The following ANP32B variants were observed in gnomAD, a reference collection of about 807,000 sequenced individuals.
ANP32B encodes the protein acidic nuclear phosphoprotein 32 family member B.
In ANP32B, 6 loss-of-function variants were observed where a neutral mutation model predicts 32.2. That is an observed-to-expected ratio of 0.19 (90% CI 0.10 to 0.37). ANP32B has a LOEUF of 0.37. ANP32B is among the 10% of genes least tolerant of loss of function. The pLI is 1.00. For synonymous variants in ANP32B, 98 were observed against 105.8 expected, an observed-to-expected ratio of 0.93 and a Z score of 0.45; for missense variants, 204 against 289.2, an observed-to-expected ratio of 0.71 and a Z score of 2.14.
At chr9:98,013,416 T>TA (rs1194919243) in intron 6 of ANP32B, among the ~76,000 whole-genome samples, 2 of 152,118 alleles carry the variant, frequency 1.3e-5, no homozygotes, top group African/African-American at 4.8e-5. Flanking sequence ...TTTCATTTTT[T>TA]AAAAAAAGGC....
intron 1 of ANP32B, among the ~76,000 whole-genome samples, chr9:97,994,154 G>A (rs200844017): frequency 1.3e-5 from 2 of 152,152 alleles, no homozygotes; most frequent in Admixed American, 1.3e-4. Flanking sequence ...TGGAAAGTGC[G>A]TTGGTGCAGA....
At chr9:97,986,017 C>T (rs984531839) in intron 1 of ANP32B, among the ~76,000 whole-genome samples, 172 of 152,198 alleles carry the variant, frequency 1.1e-3, no homozygotes, top group Non-Finnish European at 2.0e-3. Flanking sequence ...GGCGGGGTTT[C>T]TCCCTGTTGT....
chr9:98,005,378 G>A (rs1828062826), intron 4 of ANP32B: 3 of 319,442 alleles, frequency 9.4e-6, no homozygotes, highest in Admixed American at 4.7e-5. Flanking sequence ...AGCCAGGTGT[G>A]GTGGCGCACA....
intron 5 of ANP32B, 96 bp downstream of exon 5, chr9:98,011,485 T>C: frequency 6.8e-7 from 1 of 1,481,288 alleles, no homozygotes; most frequent in Non-Finnish European, 9.0e-7. Context: ...AAACACCTTT[T>C]GAAGAAATTA....
intron 6 of ANP32B, among the ~76,000 whole-genome samples, chr9:98,014,638 T>C (rs554198639): frequency 1.3e-5 from 2 of 152,350 alleles, no homozygotes; most frequent in East Asian, 3.9e-4. Flanking sequence ...AATAACCTTT[T>C]AAAGTCAGTA....
chr9:97,985,073 CCCCGCCGCGG>C (rs1827691556), intron 1 of ANP32B, among the ~76,000 whole-genome samples: 1 of 150,384 alleles, frequency 6.6e-6, no homozygotes, highest in Non-Finnish European at 1.5e-5. Context: ...CGAGCCCCCC[CCCCGCCGCGG>C]ACCGGCGCGG....
chr9:98,003,620 A>C (rs1828030496), intron 3 of ANP32B, among the ~76,000 whole-genome samples: 1 of 152,210 alleles, frequency 6.6e-6, no homozygotes. Context: ...AACTACATAG[A>C]TACCTTGAGT....
At chr9:97,983,789 T>C (rs925404420) in intron 1 of ANP32B, among the ~76,000 whole-genome samples, 180 bp downstream of exon 1, 3 of 150,718 alleles carry the variant, frequency 2.0e-5, no homozygotes, top group Non-Finnish European at 3.0e-5. Context: ...GATTAACTCT[T>C]TGCCGCCCGC....
intron 1 of ANP32B, 60 bp downstream of exon 1, chr9:97,983,669 C>T: frequency 2.2e-6 from 3 of 1,369,262 alleles, no homozygotes; most frequent in Admixed American, 2.2e-5. Flanking sequence ...ATGGTGGCCA[C>T]CTGCGGGGCC....
chr9:98,001,998 T>A (rs1828000557), intron 3 of ANP32B, among the ~76,000 whole-genome samples: 1 of 152,108 alleles, frequency 6.6e-6, no homozygotes, highest in South Asian at 2.1e-4. Flanking sequence ...CCAGAGCTAT[T>A]TCGAAAAGCC....
chr9:97,992,002 G>C (rs1041503314), intron 1 of ANP32B, among the ~76,000 whole-genome samples: 7 of 152,068 alleles, frequency 4.6e-5, no homozygotes, highest in Admixed American at 1.3e-4. Context: ...TCCTCATTCC[G>C]CAGTTATGTA....
chr9:98,005,330 A>G lies in ANP32B; in HGVS notation c.517+177A>G, dbSNP rs1828061870. 1.1e-5 allele frequency: 5 copies of G among 475,024 alleles called. No homozygotes were observed. In the Admixed American group the frequency reaches 1.9e-4, roughly 18 times the overall value. The allele number at this position is 475,024 out of a possible 1,614,324, so 29.4% of individuals were successfully genotyped here. On this transcript the variant is annotated intron_variant, in intron 4 of 6. Transcript: ENST00000339399. ...TGAGACTAGCCTGGGCAACATGGCA[A>G]TACCTTGTTTCTACAGAAAATAGAA...
chr9:97,997,355 T>A (rs1306791337), intron 2 of ANP32B, among the ~76,000 whole-genome samples: 1 of 152,218 alleles, frequency 6.6e-6, no homozygotes, highest in Non-Finnish European at 1.5e-5. Context: ...TTTTAACTGT[T>A]TTTCAGCAGA....
chr9:97,989,314 T>A (rs887135578), intron 1 of ANP32B, among the ~76,000 whole-genome samples: 1 of 152,216 alleles, frequency 6.6e-6, no homozygotes, highest in Non-Finnish European at 1.5e-5. Context: ...AGTAGGAAAC[T>A]ACTGTTTGCT....
At position 98,015,779 on chromosome 9, in the gene ANP32B, CA is replaced by C. The variant is rs1828270523; in HGVS notation, c.*354del. 6 of 992,830 alleles carry C rather than the reference CA, an allele frequency of 6.0e-6. No homozygotes were observed. In the South Asian group the frequency reaches 1.4e-4, roughly 23 times the overall value. The allele number at this position is 992,830 out of a possible 1,614,324, so 61.5% of individuals were successfully genotyped here. Reference sequence around the variant, plus strand: ...AACAGCATTTTTACTTTCTGTACAACAAAAAAGCTTTGTAAATAAAATCTTA... The same window carrying C: ...AACAGCATTTTTACTTTCTGTACAACAAAAAGCTTTGTAAATAAAATCTTA... On this transcript the variant is annotated 3_prime_UTR_variant, in exon 7 of 7. Transcript: ENST00000339399.
intron 1 of ANP32B, among the ~76,000 whole-genome samples, chr9:97,989,342 A>C (rs1827787501): frequency 6.6e-6 from 1 of 152,230 alleles, no homozygotes. Flanking sequence ...GTAGAAAACA[A>C]ATATGAGTTA....
intron 5 of ANP32B, among the ~76,000 whole-genome samples, 198 bp downstream of exon 5, chr9:98,011,587 C>T (rs1376508498): frequency 6.6e-6 from 1 of 152,212 alleles, no homozygotes; most frequent in Non-Finnish European, 1.5e-5. Flanking sequence ...CTACTGAACT[C>T]AAACTAGTAC....
At chr9:98,009,554 C>T (rs1037214301) in intron 4 of ANP32B, among the ~76,000 whole-genome samples, 3 of 152,236 alleles carry the variant, frequency 2.0e-5, no homozygotes, top group African/African-American at 7.2e-5. Context: ...GTCCAGATCC[C>T]TCACATGCGC....
chr9:97,983,375 G>C lies in ANP32B; in HGVS notation c.-181G>C. ...CCATGGTTTCTCTCCGCTCCCGTGA[G>C]TAACTTGGCTCCGGGGGCTCCGCTC... On this transcript the variant is annotated 5_prime_UTR_variant, in exon 1 of 7. Coordinates refer to ENST00000339399, the MANE Select transcript of ANP32B (RefSeq NM_006401.3). 1.8e-6 allele frequency: 1 copy of C among 561,846 alleles called. No individual in the cohort carries two copies. The highest frequency in any genetic ancestry group is 2.2e-5 in the South Asian group (1 of 44,786). 34.8% of individuals were successfully genotyped at this position (561,846 alleles called of 1,614,324 possible).
Sources: gnomAD v4.1 joint callset for allele counts (sites outside exome capture counted in the v4.1 genomes callset) on GRCh38, gnomAD v4.1.1 for gene constraint, MANE v1.5 for transcripts, NCBI Gene and HGNC (gene_info 2026-07-23, HGNC 2026-07-21) for gene names.